NOS1: variants seen among roughly 807,000 people sequenced by gnomAD.
NOS1 encodes the protein NOS type I.
In NOS1, 51 loss-of-function variants were observed where a neutral mutation model predicts 164.5. That is an observed-to-expected ratio of 0.31 (90% confidence interval 0.25 to 0.39). NOS1 has a LOEUF of 0.39. Among genes scored for constraint, NOS1 ranks in the 10% least tolerant of loss-of-function variants. The pLI, the probability that NOS1 is intolerant of heterozygous loss-of-function variation, is 1.00. For synonymous variants in NOS1, 719 were observed against 745.8 expected (o/e 0.96, Z 0.59); for missense variants, 1,362 against 1,885.6 (o/e 0.72, Z 5.14).
chr12:117,274,629 G>A (rs751981849), intron 9 of NOS1, among the ~76,000 whole-genome samples: 6 of 151,938 alleles, frequency 3.9e-5, no homozygotes, highest in Non-Finnish European at 7.4e-5. Flanking sequence ...ACTTAGCTGG[G>A]CGTGGTGGTT....
chr12:117,337,896 T>C (rs145468346), intron 1 of NOS1, among the ~76,000 whole-genome samples: 4 of 152,044 alleles, frequency 2.6e-5, no homozygotes, highest in African/African-American at 9.6e-5. Context: ...CTGTGCAACA[T>C]AGTGATATCC....
At chr12:117,271,940 G>T (rs898867909) in intron 10 of NOS1, among the ~76,000 whole-genome samples, 1 of 152,176 alleles carries the variant, frequency 6.6e-6, no homozygotes, top group African/African-American at 2.4e-5. Flanking sequence ...TCCCGAGTTT[G>T]TCAGTCATCC....
intron 17 of NOS1, among the ~76,000 whole-genome samples, chr12:117,252,113 C>T (rs990375314): frequency 7.2e-5 from 11 of 152,134 alleles, no homozygotes; most frequent in African/African-American, 1.2e-4. Flanking sequence ...GAAGCTATTA[C>T]GTAGGTACTT....
In NOS1 at chr12:117,251,504, C is replaced by T. The variant is rs376028126; in HGVS notation, c.2648+2134G>A. Among the ~76,000 whole-genome samples the T allele has an allele frequency of 2.4e-4, 36 of 152,108 alleles. No individual in the cohort carries two copies. The East Asian group carries it at 3.9e-3, about 16-fold the overall frequency. On this transcript the variant is annotated intron_variant, in intron 17 of 28. Coordinates refer to ENST00000317775, the MANE Select transcript of NOS1 (RefSeq NM_000620.5). ...CATGGCTCACCATAGCCTTGATCTC[C>T]TAGGCTCATGCAATCCCCCCACCAC...
rs552318734 is a variant in NOS1 at position 117,299,413 on chromosome 12, C to T, written c.853-8987G>A. On this transcript the variant is annotated intron_variant, in intron 3 of 28. Transcript: ENST00000317775. ...CAGCACTTTGGGAGGCCGAGGTGGGCGGATCACGAGGTCAGGAGATCAAGA... is the reference window on the plus strand; with the variant it reads ...CAGCACTTTGGGAGGCCGAGGTGGGTGGATCACGAGGTCAGGAGATCAAGA... 1.7e-4 allele frequency among the ~76,000 whole-genome samples: 26 copies of T among 151,802 alleles called. 1 individual carries two copies. In the South Asian group the frequency reaches 3.1e-3, roughly 18 times the overall value.
chr12:117,356,999 G>T lies in NOS1; in HGVS notation c.-421+4513C>A, dbSNP rs1876883020. Among the ~76,000 whole-genome samples, 1 of 152,166 alleles carries T rather than the reference G, an allele frequency of 6.6e-6. No homozygotes were observed. Among genetic ancestry groups the T allele is most frequent in the Admixed American group, 6.5e-5 (1 of 15,270 alleles). On this transcript the variant is annotated intron_variant, in intron 1 of 28. Coordinates refer to ENST00000317775, the MANE Select transcript of NOS1 (RefSeq NM_000620.5). This position sits in a 1 kb window ranked among gnomAD's most constrained non-coding sequence, Gnocchi z 4.2. ...TTAGCTCTGTGATTACTTCTTTGCA[G>T]AAGTTATACCTGATAGGTCACTTAT...
At chr12:117,280,933 T>C in intron 7 of NOS1, 67 bp from the exon 8 acceptor site, 1 of 1,558,756 alleles carries the variant, frequency 6.4e-7, no homozygotes, top group Non-Finnish European at 8.7e-7. Context: ...ATACTAAACA[T>C]GGCGCCACCC....
At chr12:117,277,901 A>C in intron 9 of NOS1, 58 bp downstream of exon 9, 1 of 1,527,874 alleles carries the variant, frequency 6.5e-7, no homozygotes, top group Non-Finnish European at 8.8e-7. Flanking sequence ...GGGCTGGGCA[A>C]AGAGGGGCAC....
intron 6 of NOS1, 40 bp downstream of exon 6, chr12:117,286,064 C>T (rs865964772): frequency 1.2e-6 from 2 of 1,608,548 alleles, no homozygotes; most frequent in Non-Finnish European, 1.7e-6. Context: ...CCTCTTCCCT[C>T]ATTTAAGGGC....
intron 17 of NOS1, among the ~76,000 whole-genome samples, chr12:117,247,932 C>G (rs1182759418): frequency 3.6e-5 from 5 of 140,840 alleles, no homozygotes; most frequent in African/African-American, 1.4e-4. Context: ...GGTGACAGAG[C>G]GAGACTCCGT....
intron 3 of NOS1, among the ~76,000 whole-genome samples, chr12:117,309,995 C>T (rs1488641233): frequency 6.6e-6 from 1 of 152,164 alleles, no homozygotes; most frequent in East Asian, 1.9e-4. Flanking sequence ...CAGCCTTGAC[C>T]TTCCAGGCTC....
At chr12:117,279,386 CA>C (rs1555254985) in intron 8 of NOS1, among the ~76,000 whole-genome samples, 1 of 149,892 alleles carries the variant, frequency 6.7e-6, no homozygotes, top group African/African-American at 2.5e-5. Flanking sequence ...AAAAAAAAAC[CA>C]AAAAAAACAA....
chr12:117,265,533 G>T (rs1274085294), intron 11 of NOS1, 23 bp from the exon 12 acceptor site: 10 of 1,460,664 alleles, frequency 6.8e-6, no homozygotes. Flanking sequence ...AGGGGACAGG[G>T]GTCAGGAGGT....
chr12:117,271,609 C>T (rs896011520), intron 10 of NOS1, among the ~76,000 whole-genome samples: 4 of 152,136 alleles, frequency 2.6e-5, no homozygotes, highest in Admixed American at 6.5e-5. Context: ...ACCTGATGCT[C>T]GGTTCTGGGT....
chr12:117,331,403 G>C lies in NOS1; in HGVS notation c.-334C>G, dbSNP rs574199154. ...GAGATGCGTCTGATGGCTGTGTCTA[G>C]AAGTGACGCATGATAGATGTGAACT... On this transcript the variant is annotated 5_prime_UTR_variant, in exon 2 of 29. Coordinates refer to ENST00000317775, the MANE Select transcript of NOS1 (RefSeq NM_000620.5). The C allele has an allele frequency of 3.1e-6, 1 of 323,540 alleles. No individual in the cohort carries two copies. The highest frequency in any genetic ancestry group is 5.7e-5 in the East Asian group (1 of 17,410). 20.0% of individuals were successfully genotyped at this position (323,540 alleles called of 1,614,324 possible).
At chr12:117,248,065 A>G (rs1419342696) in intron 17 of NOS1, among the ~76,000 whole-genome samples, 1 of 151,690 alleles carries the variant, frequency 6.6e-6, no homozygotes, top group Non-Finnish European at 1.5e-5. Flanking sequence ...CTCTCTCTGG[A>G]CATAGCAAGA....
intron 22 of NOS1, among the ~76,000 whole-genome samples, chr12:117,229,768 T>C (rs1190663578): frequency 6.6e-6 from 1 of 152,204 alleles, no homozygotes; most frequent in African/African-American, 2.4e-5. Context: ...TTTGCATTTT[T>C]AGTAGAGACG....
Position 117,211,321 on chromosome 12 carries a change from T to G in NOS1, c.*3988A>C. 4.1e-6 allele frequency: 4 copies of G among 985,418 alleles called. No individual in the cohort carries two copies. The highest frequency in any genetic ancestry group is 4.8e-6 in the Non-Finnish European group (4 of 829,960). 61.0% of individuals were successfully genotyped at this position (985,418 alleles called of 1,614,324 possible). On this transcript the variant is annotated 3_prime_UTR_variant, in exon 29 of 29. Transcript: ENST00000317775. ...ACAATGGATGGGGTGCCAGGTACGC[T>G]GATTCAGTTCCTGGAGTCTCTTTAT...
intron 1 of NOS1, among the ~76,000 whole-genome samples, chr12:117,350,835 C>T (rs976252040): frequency 5.3e-5 from 8 of 152,156 alleles, no homozygotes; most frequent in Admixed American, 4.6e-4. Context: ...GTCTCTTGGC[C>T]GGGTGCGGTG....
Sources: gnomAD v4.1 joint callset for allele counts (sites outside exome capture counted in the v4.1 genomes callset) on GRCh38, gnomAD v4.1.1 for gene constraint, Gnocchi (gnomAD v3.1) non-coding constraint, MANE v1.5 for transcripts, NCBI Gene and HGNC (gene_info 2026-07-23, HGNC 2026-07-21) for gene names.